Variants in TTC17 observed in about 807,000 individuals in gnomAD.
TTC17 encodes the protein tetratricopeptide repeat domain 17, also known as tetratricopeptide repeat protein 17.
TTC17 carries 58 observed loss-of-function variants against 143.8 expected under a neutral mutation model. The observed-to-expected ratio is 0.40, with a 90% CI of 0.33 to 0.50. The LOEUF is 0.50. Ranked by LOEUF, TTC17 falls within the 20% of genes least tolerant of loss-of-function variation. TTC17 has a pLI of 0.49. For synonymous variants in TTC17, 501 were observed against 497.8 expected (o/e 1.01, Z -0.09); for missense variants, 1,273 against 1,392.5 (o/e 0.91, Z 1.37).
chr11:43,416,545 G>C (rs1008611402), intron 16 of TTC17, among the ~76,000 whole-genome samples: 5 of 152,146 alleles, frequency 3.3e-5, no homozygotes, highest in African/African-American at 1.2e-4. Flanking sequence ...AACCTCAACT[G>C]GTCCAGGAAA....
chr11:43,490,584 C>T (rs1480173462), intron 22 of TTC17: 9 of 463,224 alleles, frequency 1.9e-5, no homozygotes, highest in Non-Finnish European at 2.5e-5. Context: ...GGAAGGCCTT[C>T]CAGATCACTG....
At chr11:43,459,179 C>T (rs1402397915) in intron 21 of TTC17, among the ~76,000 whole-genome samples, 2 of 152,132 alleles carry the variant, frequency 1.3e-5, no homozygotes, top group African/African-American at 2.4e-5. Context: ...GGCAAGGATA[C>T]GATGTCACAT....
At chr11:43,422,858 G>A (rs971109112) in intron 16 of TTC17, among the ~76,000 whole-genome samples, 2 of 152,134 alleles carry the variant, frequency 1.3e-5, no homozygotes, top group African/African-American at 4.8e-5. Flanking sequence ...CAGGAAAATG[G>A]GATATAGCTG....
chr11:43,467,621 C>G (rs1369852405), intron 21 of TTC17, among the ~76,000 whole-genome samples: 1 of 152,162 alleles, frequency 6.6e-6, no homozygotes, highest in Non-Finnish European at 1.5e-5. Flanking sequence ...CACTACTGAA[C>G]TGTGTACTTA....
chr11:43,458,984 G>A (rs1320443869), intron 21 of TTC17, among the ~76,000 whole-genome samples: 2 of 149,978 alleles, frequency 1.3e-5, no homozygotes, highest in South Asian at 2.1e-4. Context: ...TTTGTATAAG[G>A]TTCGGTACTA....
intron 19 of TTC17, chr11:43,448,909 G>C (rs1947603956): frequency 6.6e-6 from 1 of 151,998 alleles, no homozygotes. Context: ...AAAAACCTGG[G>C]AGTTATCCTT....
At chr11:43,384,319 A>G (rs1293144939) in intron 2 of TTC17, among the ~76,000 whole-genome samples, 1 of 152,174 alleles carries the variant, frequency 6.6e-6, no homozygotes, top group Non-Finnish European at 1.5e-5. Context: ...TTGGGGCTAT[A>G]TATGTATTTA....
Position 43,400,060 on chromosome 11 carries a change from C to T in TTC17, c.1219+12C>T, listed in dbSNP as rs755322091. The T allele has an allele frequency of 2.5e-6, 4 of 1,606,826 alleles. No individual in the cohort carries two copies. The highest frequency in any genetic ancestry group is 1.7e-5 in the Admixed American group (1 of 58,400). On this transcript the variant is annotated intron_variant, in intron 9 of 23. Coordinates refer to ENST00000039989, the MANE Select transcript of TTC17 (RefSeq NM_018259.6). ...AGAGGCACAATTAGGTAAGTAGTGA[C>T]TCCAAGTAATTGAAGACAGGTTAGG...
chr11:43,395,191 C>T (rs1354859223), intron 5 of TTC17, among the ~76,000 whole-genome samples: 2 of 150,798 alleles, frequency 1.3e-5, no homozygotes, highest in Non-Finnish European at 2.9e-5. Flanking sequence ...AGCTCCGTCT[C>T]CTGGGTTCAC....
chr11:43,486,914 T>C (rs891507508), intron 21 of TTC17, among the ~76,000 whole-genome samples: 2 of 151,986 alleles, frequency 1.3e-5, no homozygotes, highest in Non-Finnish European at 2.9e-5. Flanking sequence ...TGCATGCCTG[T>C]AGTCCCAGCT....
chr11:43,474,029 A>T (rs1358731453), intron 21 of TTC17, among the ~76,000 whole-genome samples: 1 of 152,254 alleles, frequency 6.6e-6, no homozygotes, highest in African/African-American at 2.4e-5. Context: ...TGGCAAAAAC[A>T]TTAAAACAAA....
chr11:43,362,639 C>G (rs1856164011), intron 1 of TTC17, among the ~76,000 whole-genome samples: 1 of 151,902 alleles, frequency 6.6e-6, no homozygotes, highest in Non-Finnish European at 1.5e-5. Flanking sequence ...AGATGGGGGT[C>G]TTTCTTTATT....
rs141942224 is a variant in TTC17 at position 43,405,617 on chromosome 11, A to G, written c.1583A>G (p.Asn528Ser). 4.0e-4 allele frequency: 641 copies of G among 1,613,826 alleles called. No homozygotes were observed. The highest frequency in any genetic ancestry group is 5.2e-4 in the Non-Finnish European group (612 of 1,179,882). The change falls in exon 12 of 24, where the codon AAC becomes AGC. Residue 528 changes from asparagine to serine, a missense_variant. Around this residue, in one of 3 missense-constraint regions of TTC17, gnomAD observed 878 missense variants for 899.8 expected, o/e 0.98. Coordinates refer to ENST00000039989, the MANE Select transcript of TTC17 (RefSeq NM_018259.6). ...ELPTYFLPPE[N>S]KGLRIHELSS... ...CCAACGTATTTTCTGCCTCCGGAAA[A>G]CAAAGGACTCAGGCAAGTGGTGATG... is the stretch of plus-strand genomic sequence containing the variant.
chr11:43,472,453 G>A (rs1948109873), intron 21 of TTC17, among the ~76,000 whole-genome samples: 1 of 152,156 alleles, frequency 6.6e-6, no homozygotes, highest in Admixed American at 6.5e-5. Flanking sequence ...TACAGTTAAA[G>A]ACAGACATTT....
chr11:43,399,891 T>G lies in TTC17; in HGVS notation c.1062T>G (p.Ser354=), dbSNP rs1857776628. ...LEQKLEAQHR[S]LQRTLNELKE... ...CCTGGTATTAAAAAATGTTAAGATC[T>G]CTCCAGCGAACACTGAATGAGTTAA... is the stretch of plus-strand genomic sequence containing the variant. The change falls in exon 9 of 24, where the codon TCT becomes TCG. Residue 354 remains serine (S), a synonymous_variant. Coordinates refer to ENST00000039989, the MANE Select transcript of TTC17 (RefSeq NM_018259.6). 6.3e-7 allele frequency: 1 copy of G among 1,592,448 alleles called. No individual in the cohort carries two copies. Among genetic ancestry groups the G allele is most frequent in the African/African-American group, 1.4e-5 (1 of 73,624 alleles).
At chr11:43,396,061 G>A (rs1857578605) in intron 5 of TTC17, 1 of 151,924 alleles carries the variant, frequency 6.6e-6, no homozygotes, top group Non-Finnish European at 1.5e-5. Context: ...TAGTAACTTA[G>A]CATTTCTATA....
At chr11:43,409,744 T>A (rs1007484320) in intron 15 of TTC17, among the ~76,000 whole-genome samples, 4 of 152,222 alleles carry the variant, frequency 2.6e-5, no homozygotes, top group African/African-American at 9.6e-5. Flanking sequence ...TGAATTAACA[T>A]TTATAAAACA....
At chr11:43,439,249 C>G (rs966208728) in intron 16 of TTC17, among the ~76,000 whole-genome samples, 5 of 152,132 alleles carry the variant, frequency 3.3e-5, no homozygotes, top group Admixed American at 6.6e-5. Flanking sequence ...ACTCTTCCTG[C>G]CACTGGATCC....
At position 43,414,598 on chromosome 11, in the gene TTC17, C is replaced by T. The variant is rs746093107; in HGVS notation, c.2073C>T (p.Thr691=). ...ALAINSSEPL[T]FLSLGNAYLA... ...TTTTTTTTTCTTTTCAGCCTCTGAC[C>T]TTTTTGAGCCTGGGAAATGCTTACC... Residue 691 remains threonine (T), a synonymous_variant, in exon 16 of 24, where the codon ACC becomes ACT. Transcript: ENST00000039989. The T allele has an allele frequency of 1.3e-6, 2 of 1,596,932 alleles. No homozygotes were observed. Among genetic ancestry groups the T allele is most frequent in the African/African-American group, 1.4e-5 (1 of 73,776 alleles).
Sources: allele counts gnomAD v4.1 joint callset (sites outside exome capture counted in the v4.1 genomes callset), GRCh38; gene constraint gnomAD v4.1.1; regional missense constraint gnomAD v4.1.1; transcripts MANE v1.5; gene names NCBI Gene and HGNC (gene_info 2026-07-23, HGNC 2026-07-21).